The following ANKRD29 variants were observed in gnomAD, a reference collection of about 807,000 sequenced individuals.
The protein encoded by ANKRD29 is ankyrin repeat domain-containing protein 29.
Under a neutral mutation model 38.0 loss-of-function variants are expected in ANKRD29, and 32 were observed. The ratio of observed to expected loss-of-function variants is 0.84; its 90% CI spans 0.64 to 1.13. ANKRD29 has a LOEUF of 1.13. Ranked by LOEUF, ANKRD29 falls within the 50% of genes most tolerant of loss-of-function variation. ANKRD29 has a pLI of 0.00. For missense variants in ANKRD29, 357 were observed against 377.9 expected (o/e 0.94, Z 0.46); for synonymous variants, 135 against 152.4 (o/e 0.89, Z 0.84).
intron 1 of ANKRD29, among the ~76,000 whole-genome samples, chr18:23,653,249 C>T (rs1346802686): frequency 6.6e-6 from 1 of 152,144 alleles, no homozygotes; most frequent in Non-Finnish European, 1.5e-5. Context: ...TAATTATTCC[C>T]ATTTTTTCTT....
rs567946450 is a variant in ANKRD29 at position 23,601,187 on chromosome 18, G to A, written c.*39C>T. 8 of 1,566,198 alleles carry A rather than the reference G, an allele frequency of 5.1e-6. No homozygotes were observed. The African/African-American group carries it at 1.1e-4, about 21-fold the overall frequency. On this transcript the variant is annotated 3_prime_UTR_variant, in exon 10 of 10. Coordinates refer to ENST00000592179, the MANE Select transcript of ANKRD29 (RefSeq NM_173505.4). ...AATGCAATTTCTTTTTGGACAATGT[G>A]GTTAAGCTTTCTATCTTTCTGTCAA...
intron 1 of ANKRD29, among the ~76,000 whole-genome samples, chr18:23,659,399 C>T (rs1254980605): frequency 6.6e-6 from 1 of 152,192 alleles, no homozygotes; most frequent in Non-Finnish European, 1.5e-5. Flanking sequence ...TTCCATTTCT[C>T]TTGGGTATAT....
intron 3 of ANKRD29, among the ~76,000 whole-genome samples, chr18:23,641,560 G>A (rs1158905733): frequency 2.0e-5 from 3 of 152,244 alleles, no homozygotes; most frequent in African/African-American, 7.2e-5. Flanking sequence ...ACAAGCACAG[G>A]AGGGAGGCTG....
chr18:23,662,614 C>T, intron 1 of ANKRD29, 96 bp downstream of exon 1: 1 of 264,340 alleles, frequency 3.8e-6, no homozygotes, highest in African/African-American at 2.8e-5. Flanking sequence ...GCGGGCAGCG[C>T]CCACCCCATC....
intron 3 of ANKRD29, among the ~76,000 whole-genome samples, chr18:23,639,534 T>C (rs1193600692): frequency 2.7e-5 from 4 of 150,360 alleles, no homozygotes; most frequent in Non-Finnish European, 5.9e-5. Context: ...CTGTGATTTT[T>C]TTTTTTTTTT....
At chr18:23,602,245 A>G (rs1210228582) in intron 9 of ANKRD29, among the ~76,000 whole-genome samples, 2 of 151,944 alleles carry the variant, frequency 1.3e-5, no homozygotes, top group African/African-American at 2.4e-5. Context: ...CCATTTAGCC[A>G]GGCTGGTCTT....
At chr18:23,609,617 A>G (rs2059616225) in intron 9 of ANKRD29, among the ~76,000 whole-genome samples, 1 of 152,190 alleles carries the variant, frequency 6.6e-6, no homozygotes, top group South Asian at 2.1e-4. Flanking sequence ...CATTTTGCCC[A>G]CTTGAAATTA....
chr18:23,652,522 C>T (rs761398302), intron 1 of ANKRD29, among the ~76,000 whole-genome samples: 1 of 152,248 alleles, frequency 6.6e-6, no homozygotes, highest in African/African-American at 2.4e-5. Flanking sequence ...AAGTCCCCAA[C>T]GTTCCTTCTG....
chr18:23,662,601 G>T, intron 1 of ANKRD29, 109 bp downstream of exon 1: 1 of 769,038 alleles, frequency 1.3e-6, no homozygotes, highest in Non-Finnish European at 1.9e-6. Flanking sequence ...GAGGCGGCGG[G>T]CAGCGGGCAG....
intron 5 of ANKRD29, among the ~76,000 whole-genome samples, chr18:23,633,602 AC>A (rs1208240321): frequency 6.6e-6 from 1 of 152,146 alleles, no homozygotes; most frequent in Admixed American, 6.5e-5. Context: ...ACAGAGTCTC[AC>A]TATGTCACCC....
chr18:23,638,724 C>A, intron 4 of ANKRD29, 125 bp downstream of exon 4: 1 of 755,858 alleles, frequency 1.3e-6, no homozygotes, highest in Non-Finnish European at 2.0e-6. Context: ...AGGAAATCCA[C>A]TTACTTAGGT....
intron 9 of ANKRD29, among the ~76,000 whole-genome samples, chr18:23,606,875 A>T (rs553590523): frequency 6.6e-6 from 1 of 152,274 alleles, no homozygotes; most frequent in Non-Finnish European, 1.5e-5. Context: ...AGAAAGAAGG[A>T]TGTTCTGGGA....
chr18:23,603,114 A>G lies in ANKRD29; in HGVS notation c.823-1805T>C, dbSNP rs199627204. Among the ~76,000 whole-genome samples the G allele has an allele frequency of 7.2e-5, 11 of 152,344 alleles. No individual in the cohort carries two copies. The East Asian group carries it at 1.7e-3, about 24-fold the overall frequency. ...ACAGTCTTTTTGGATTGCTGTGGATATTATTCTCTGATGCCACATCAATAC... is the reference window on the plus strand; with the variant it reads ...ACAGTCTTTTTGGATTGCTGTGGATGTTATTCTCTGATGCCACATCAATAC... On this transcript the variant is annotated intron_variant, in intron 9 of 9. Transcript: ENST00000592179.
At chr18:23,604,814 C>T (rs1029273466) in intron 9 of ANKRD29, among the ~76,000 whole-genome samples, 2 of 152,180 alleles carry the variant, frequency 1.3e-5, no homozygotes, top group Non-Finnish European at 2.9e-5. Flanking sequence ...CAGGCGTGAG[C>T]CACCGTTCCT....
intron 5 of ANKRD29, among the ~76,000 whole-genome samples, chr18:23,631,385 C>T (rs372844167): frequency 1.5e-4 from 23 of 151,504 alleles, no homozygotes; most frequent in East Asian, 2.0e-4. Flanking sequence ...GGACTACAGG[C>T]GTGCATCACC....
chr18:23,656,370 T>C (rs1017631885), intron 1 of ANKRD29, among the ~76,000 whole-genome samples: 3 of 152,178 alleles, frequency 2.0e-5, no homozygotes, highest in Admixed American at 6.5e-5. Flanking sequence ...CAGACTCGCC[T>C]AACAAACCAG....
chr18:23,605,257 A>G (rs530796902), intron 9 of ANKRD29, among the ~76,000 whole-genome samples: 2 of 152,134 alleles, frequency 1.3e-5, no homozygotes, highest in South Asian at 2.1e-4. Context: ...TTTTAGACAG[A>G]TGGTCTCACT....
chr18:23,633,407 A>G (rs2059958459), intron 5 of ANKRD29, among the ~76,000 whole-genome samples: 2 of 152,122 alleles, frequency 1.3e-5, no homozygotes, highest in East Asian at 1.9e-4. Context: ...AATTTTGTAT[A>G]TTTTGGTTTT....
chr18:23,611,901 GT>G (rs1160411913), intron 9 of ANKRD29, among the ~76,000 whole-genome samples, 190 bp downstream of exon 9: 1 of 152,078 alleles, frequency 6.6e-6, no homozygotes, highest in Non-Finnish European at 1.5e-5. Flanking sequence ...ATGAGTCAGG[GT>G]TTTTATTAAC....
Sources: gnomAD v4.1 joint callset for allele counts (sites outside exome capture counted in the v4.1 genomes callset) on GRCh38, gnomAD v4.1.1 for gene constraint, MANE v1.5 for transcripts, NCBI Gene and HGNC (gene_info 2026-07-23, HGNC 2026-07-21) for gene names.